Variants in NPAS3 observed in about 807,000 individuals in gnomAD.
NPAS3 encodes neuronal PAS domain protein 3.
In NPAS3, 14 loss-of-function variants were observed where a neutral mutation model predicts 73.1. The observed-to-expected ratio is 0.19, with a 90% CI of 0.13 to 0.30. The LOEUF is 0.30. Among genes scored for constraint, NPAS3 ranks in the 10% least tolerant of loss-of-function variants. The pLI is 1.00. For synonymous variants in NPAS3, 620 were observed against 541.5 expected (o/e 1.14, Z -2.01); for missense variants, 1,096 against 1,250.0 (o/e 0.88, Z 1.86).
chr14:33,201,347 A>G (rs980660967), intron 2 of NPAS3, among the ~76,000 whole-genome samples: 1 of 149,356 alleles, frequency 6.7e-6, no homozygotes, highest in Non-Finnish European at 1.5e-5. Flanking sequence ...TTCTACAACC[A>G]TGGGAACATG....
intron 9 of NPAS3, among the ~76,000 whole-genome samples, chr14:33,784,212 G>A (rs2063071694): frequency 6.6e-6 from 1 of 152,188 alleles, no homozygotes; most frequent in Admixed American, 6.5e-5. Flanking sequence ...GAGTGAATAT[G>A]AGCAGTCGTT....
Position 33,124,131 on chromosome 14 carries a change from G to A in NPAS3, c.140+68137G>A, listed in dbSNP as rs191550428. On this transcript the variant is annotated intron_variant, in intron 2 of 11. Transcript: ENST00000356141. ...GGCCTACCAAAGTGCTAAGATTACAGGTGTGAGCCACTGTGCCCAGCCTCT... is the reference window on the plus strand; with the variant it reads ...GGCCTACCAAAGTGCTAAGATTACAAGTGTGAGCCACTGTGCCCAGCCTCT... 3.9e-5 allele frequency among the ~76,000 whole-genome samples: 6 copies of A among 152,152 alleles called. No homozygotes were observed. In the East Asian group the frequency reaches 1.2e-3, roughly 30 times the overall value.
intron 4 of NPAS3, among the ~76,000 whole-genome samples, chr14:33,440,872 C>A (rs760858572): frequency 6.7e-6 from 1 of 148,896 alleles, no homozygotes; most frequent in Non-Finnish European, 1.5e-5. Flanking sequence ...CCAACCTAGG[C>A]AACAAAGTTA....
intron 3 of NPAS3, among the ~76,000 whole-genome samples, chr14:33,339,903 A>G (rs2044394292): frequency 6.6e-6 from 1 of 152,224 alleles, no homozygotes; most frequent in African/African-American, 2.4e-5. Flanking sequence ...AAAATATAAT[A>G]TATTGGGATA....
At chr14:32,954,016 A>G (rs532553233) in intron 1 of NPAS3, among the ~76,000 whole-genome samples, 6 of 152,310 alleles carry the variant, frequency 3.9e-5, no homozygotes, top group African/African-American at 1.4e-4. Context: ...AATCTGAAGC[A>G]CTAAAATGGG....
chr14:33,199,067 A>G lies in NPAS3; in HGVS notation c.141-16115A>G, dbSNP rs1042604606. On this transcript the variant is annotated intron_variant, in intron 2 of 11. Transcript: ENST00000356141. ...CCCGCCGAGCCCACGCCCACCTGGA[A>G]CTTGCGCTGGCCTGCGAGCTCCGTG... 7.2e-5 allele frequency among the ~76,000 whole-genome samples: 11 copies of G among 152,134 alleles called. 1 individual carries two copies. The highest frequency in any genetic ancestry group is 4.1e-4 in the South Asian group (2 of 4,838).
intron 5 of NPAS3, among the ~76,000 whole-genome samples, chr14:33,644,299 A>G (rs2058759864): frequency 6.6e-6 from 1 of 152,256 alleles, no homozygotes; most frequent in Admixed American, 6.5e-5. Context: ...TATGGCATGC[A>G]AAAGTAAATG....
chr14:33,274,172 T>C (rs1476727349), intron 3 of NPAS3, among the ~76,000 whole-genome samples: 1 of 152,184 alleles, frequency 6.6e-6, no homozygotes, highest in Non-Finnish European at 1.5e-5. Context: ...AGTGTTTGCC[T>C]TATTTGAATA....
chr14:33,527,088 AAGG>A (rs2053834947), intron 4 of NPAS3, among the ~76,000 whole-genome samples: 1 of 152,078 alleles, frequency 6.6e-6, no homozygotes, highest in Non-Finnish European at 1.5e-5. Flanking sequence ...ATATGTGGAG[AAGG>A]AGGAGGTTGA....
chr14:33,315,179 C>T (rs750263167), intron 3 of NPAS3, among the ~76,000 whole-genome samples: 3 of 151,838 alleles, frequency 2.0e-5, no homozygotes, highest in Non-Finnish European at 4.4e-5. Flanking sequence ...TGAAAAGCCA[C>T]GCTGGTGGGT....
intron 2 of NPAS3, among the ~76,000 whole-genome samples, chr14:33,166,899 GTA>G (rs2045181150): frequency 6.6e-6 from 1 of 152,176 alleles, no homozygotes; most frequent in Non-Finnish European, 1.5e-5. Context: ...ATTTCACTTA[GTA>G]TATCACTAAG....
At chr14:33,088,432 G>A (rs1350860354) in intron 2 of NPAS3, among the ~76,000 whole-genome samples, 4 of 152,180 alleles carry the variant, frequency 2.6e-5, no homozygotes, top group Non-Finnish European at 5.9e-5. Flanking sequence ...ACAGAGCCTC[G>A]CTTATTGCTG....
At chr14:33,403,879 CTCA>C (rs1353472741) in intron 4 of NPAS3, among the ~76,000 whole-genome samples, 1 of 152,010 alleles carries the variant, frequency 6.6e-6, no homozygotes, top group Non-Finnish European at 1.5e-5. Context: ...TTTGATTTCT[CTCA>C]TCATCAATAA....
At chr14:33,054,267 T>G (rs960947406) in intron 1 of NPAS3, among the ~76,000 whole-genome samples, 1 of 152,208 alleles carries the variant, frequency 6.6e-6, no homozygotes, top group African/African-American at 2.4e-5. Context: ...CCACTGATAG[T>G]TAATGAGTAT....
At chr14:33,128,566 A>G (rs999808493) in intron 2 of NPAS3, among the ~76,000 whole-genome samples, 1 of 152,204 alleles carries the variant, frequency 6.6e-6, no homozygotes, top group Non-Finnish European at 1.5e-5. Flanking sequence ...CTATATTTTT[A>G]TAAAAGTAGT....
intron 5 of NPAS3, among the ~76,000 whole-genome samples, chr14:33,613,069 T>C (rs2057800148): frequency 6.6e-6 from 1 of 152,222 alleles, no homozygotes; most frequent in South Asian, 2.1e-4. Context: ...GAAAATTTAA[T>C]TCAACATGTA....
chr14:33,372,292 C>T lies in NPAS3; in HGVS notation c.468+5024C>T, dbSNP rs142166977. On this transcript the variant is annotated intron_variant, in intron 4 of 11. Coordinates refer to ENST00000356141, the Ensembl canonical transcript of NPAS3. ...TGAGAGTAAGGGGTAAGATAGACTC[C>T]TTAATTTTTGGTGTGCCCGTTCTCT... 7.6e-3 allele frequency among the ~76,000 whole-genome samples: 1,156 copies of T among 152,190 alleles called. 13 individuals carry two copies. Among genetic ancestry groups the T allele is most frequent in the African/African-American group, 0.027 (1,105 of 41,498 alleles).
intron 4 of NPAS3, among the ~76,000 whole-genome samples, chr14:33,440,416 C>A (rs1180740196): frequency 1.3e-5 from 2 of 152,182 alleles, no homozygotes; most frequent in Non-Finnish European, 1.5e-5. Context: ...GTGCTGACTA[C>A]TTTCGTTGGA....
At chr14:33,342,728 A>C (rs2044544954) in intron 3 of NPAS3, among the ~76,000 whole-genome samples, 3 of 151,844 alleles carry the variant, frequency 2.0e-5, no homozygotes, top group African/African-American at 7.3e-5. Flanking sequence ...AATAGTTTTT[A>C]TAAAGTTTAT....
Sources: gnomAD v4.1 joint callset for allele counts (sites outside exome capture counted in the v4.1 genomes callset) on GRCh38, gnomAD v4.1.1 for gene constraint, MANE v1.5 for transcripts, NCBI Gene and HGNC (gene_info 2026-07-23, HGNC 2026-07-21) for gene names.